SLC35B1: variants seen among roughly 807,000 people sequenced by gnomAD.
SLC35B1 encodes solute carrier family 35 member B1.
In SLC35B1, 27 loss-of-function variants were observed where a neutral mutation model predicts 36.6. The ratio of observed to expected loss-of-function variants is 0.74; its 90% CI spans 0.54 to 1.02. The LOEUF (loss-of-function observed/expected upper bound fraction) is 1.02. SLC35B1 is among the 50% of genes least tolerant of loss of function. The pLI is 0.00. For missense variants in SLC35B1, 321 were observed against 383.2 expected (o/e 0.84, Z 1.35); for synonymous variants, 162 against 152.5 (o/e 1.06, Z -0.46).
chr17:49,707,780 G>C lies in SLC35B1; in HGVS notation c.54C>G (p.Phe18Leu). 1 of 1,612,166 alleles carries C rather than the reference G, an allele frequency of 6.2e-7. No individual in the cohort carries two copies. The highest frequency in any genetic ancestry group is 2.2e-5 in the East Asian group (1 of 44,888). ...AAAAATAGCAGACAAAGACACCCAG[G>C]AAGCAGAGCGGCAGGCGCAGCCGGT... Reference protein sequence around the residue: ...VPDRLRLPLCFLGVFVCYFYY... With the variant: ...VPDRLRLPLCLLGVFVCYFYY... The change falls in exon 1 of 9, where the codon TTC becomes TTG. Residue 18 changes from phenylalanine (F) to leucine (L), a missense_variant. Phe to Leu is a conservative substitution (Grantham distance 22). Transcript: ENST00000240333.
intron 2 of SLC35B1, 27 bp from the exon 3 acceptor site, chr17:49,706,361 A>C: frequency 8.0e-7 from 1 of 1,253,690 alleles, no homozygotes; most frequent in Non-Finnish European, 1.0e-6. Context: ...AAAAAAAAAA[A>C]AAAAGAAAAG....
chr17:49,703,936 G>A (rs2073383350), intron 6 of SLC35B1, 164 bp downstream of exon 6: 1 of 756,550 alleles, frequency 1.3e-6, no homozygotes, highest in South Asian at 1.7e-5. Context: ...AAATCCTGCT[G>A]GTGCAGGTTT....
chr17:49,708,147 A>G (rs150482207), upstream of SLC35B1: 83 of 693,754 alleles, frequency 1.2e-4, no homozygotes, highest in African/African-American at 1.2e-3. Context: ...AGATTTTTCC[A>G]ATCAGGCAAC....
chr17:49,707,940 C>T lies in SLC35B1; in HGVS notation c.-107G>A, dbSNP rs140605051. On this transcript the variant is annotated 5_prime_UTR_variant, in exon 1 of 9. Transcript: ENST00000240333. ...GACATCGCCGACCGGCGGCAGGGGC[C>T]TCATAGGAGCTGCATGCGACCGCTG... is the stretch of plus-strand genomic sequence containing the variant. The T allele has an allele frequency of 2.0e-3, 3,055 of 1,556,430 alleles. 6 individuals carry two copies. Among genetic ancestry groups the T allele is most frequent in the Non-Finnish European group, 2.5e-3 (2,826 of 1,150,134 alleles).
intron 1 of SLC35B1, 40 bp downstream of exon 1, chr17:49,707,690 G>A (rs2073437058): frequency 3.1e-6 from 5 of 1,596,156 alleles, no homozygotes; most frequent in East Asian, 2.2e-5. Flanking sequence ...CCTGTCACAG[G>A]CTGGGGAGAG....
chr17:49,704,248 C>T (rs2073387744), intron 5 of SLC35B1, 22 bp from the exon 6 acceptor site: 1 of 1,611,224 alleles, frequency 6.2e-7, no homozygotes, highest in Non-Finnish European at 8.5e-7. Context: ...AGGGTGCAGC[C>T]TGCAGTGAAG....
In SLC35B1 at chr17:49,707,003, A is replaced by G. The variant is rs1436436849; in HGVS notation, c.170T>C (p.Phe57Ser). 3 of 1,613,976 alleles carry G rather than the reference A, an allele frequency of 1.9e-6. No homozygotes were observed. The highest frequency in any genetic ancestry group is 2.5e-6 in the Non-Finnish European group (3 of 1,179,986). ...CACAGCATTGATCACACATTGAATGAAGACCAAAGTTAAGGCAAAGGTGAA... is the reference window on the plus strand; with the variant it reads ...CACAGCATTGATCACACATTGAATGGAGACCAAAGTTAAGGCAAAGGTGAA... ...ETFTFALTLV[F>S]IQCVINAVFA... is the part of the protein sequence containing the mutation. The change falls in exon 2 of 9, where the codon TTC becomes TCC. Residue 57 changes from phenylalanine (F) to serine (S), a missense_variant. Coordinates refer to ENST00000240333, the MANE Select transcript of SLC35B1 (RefSeq NM_005827.4).
intron 1 of SLC35B1, chr17:49,707,394 A>G (rs2073432774): frequency 1.3e-5 from 18 of 1,432,900 alleles, no homozygotes; most frequent in Non-Finnish European, 1.7e-5. Flanking sequence ...CCGAGGACGA[A>G]TAGGTTGTTT....
rs1277303037 is a variant in SLC35B1 at position 49,701,479 on chromosome 17, T to G, written c.948A>C (p.Gly316=). 6.2e-7 allele frequency: 1 copy of G among 1,613,762 alleles called. No individual in the cohort carries two copies. Among genetic ancestry groups the G allele is most frequent in the East Asian group, 2.2e-5 (1 of 44,868 alleles). ...GLGLDAKFGK[G]AKKTSH ...CTTCCTAGTGGGATGTCTTCTTAGC[T>G]CCTTTCCCAAACTTGGCATCAAGAC... Residue 316 remains glycine, a synonymous_variant, in exon 9 of 9, where the codon GGA becomes GGC. Coordinates refer to ENST00000240333, the MANE Select transcript of SLC35B1 (RefSeq NM_005827.4).
chr17:49,707,342 C>T, intron 1 of SLC35B1: 1 of 1,433,406 alleles, frequency 7.0e-7, no homozygotes, highest in Non-Finnish European at 9.2e-7. Context: ...AAATCAGGTA[C>T]CCCAGGCAGG....
chr17:49,705,809 G>C, intron 4 of SLC35B1, 57 bp downstream of exon 4: 1 of 1,544,230 alleles, frequency 6.5e-7, no homozygotes, highest in South Asian at 1.1e-5. Flanking sequence ...GTAGCAGAGA[G>C]AGAGCTTACT....
chr17:49,707,642 G>A, intron 1 of SLC35B1, 88 bp downstream of exon 1: 1 of 1,497,672 alleles, frequency 6.7e-7, no homozygotes, highest in Non-Finnish European at 9.1e-7. Flanking sequence ...AGGAGGACAA[G>A]AGGAAAGCCC....
chr17:49,708,018 G>T (rs1282595715), upstream of SLC35B1: 2 of 1,316,968 alleles, frequency 1.5e-6, no homozygotes, highest in East Asian at 2.5e-5. Context: ...GGCTGCCAAG[G>T]GGGAAACTCC....
At position 49,705,176 on chromosome 17, in the gene SLC35B1, T is replaced by A; in HGVS notation, c.476A>T (p.Lys159Met). ...GTGTTCTTCTATCCCAACAACTTTC[T>A]TGGGTTTGTACATGAAAAGGGCCAC... is the stretch of plus-strand genomic sequence containing the variant. Reference protein sequence around the residue: ...AGVALFMYKPKKVVGIEEHTV... With the variant: ...AGVALFMYKPMKVVGIEEHTV... Residue 159 changes from lysine to methionine, a missense_variant, in exon 5 of 9, where the codon AAG (lysine) becomes ATG (methionine). Transcript: ENST00000240333. 6.2e-7 allele frequency: 1 copy of A among 1,614,194 alleles called. No individual in the cohort carries two copies. The highest frequency in any genetic ancestry group is 8.5e-7 in the Non-Finnish European group (1 of 1,180,036).
In SLC35B1 at chr17:49,701,462, T is replaced by A. The variant is rs2073350014; in HGVS notation, c.965A>T (p.His322Leu). Residue 322 changes from histidine to leucine, a missense_variant, in exon 9 of 9, where the codon CAC becomes CTC. Physicochemically the swap from His to Leu is moderately conservative, Grantham distance 99 (BLOSUM62 -3). Transcript: ENST00000240333. ...GTGGAGGTAGTCTCTCTCTTCCTAG[T>A]GGGATGTCTTCTTAGCTCCTTTCCC... ...KFGKGAKKTS[H>L] The A allele has an allele frequency of 1.2e-6, 2 of 1,612,340 alleles. No individual in the cohort carries two copies. Among genetic ancestry groups the A allele is most frequent in the Middle Eastern group, 1.6e-4 (1 of 6,078 alleles).
At chr17:49,705,428 G>T in intron 4 of SLC35B1, 147 bp from the exon 5 acceptor site, 1 of 772,142 alleles carries the variant, frequency 1.3e-6, no homozygotes, top group Non-Finnish European at 2.0e-6. Context: ...GAGGGTGCCA[G>T]GCTGGCACCT....
At position 49,705,297 on chromosome 17, in the gene SLC35B1, A is replaced by AG; in HGVS notation, c.371-17dup. 6.2e-7 allele frequency: 1 copy of AG among 1,613,286 alleles called. No homozygotes were observed. The highest frequency in any genetic ancestry group is 8.5e-7 in the Non-Finnish European group (1 of 1,179,520). ...AGGAGCATGACTACAGGGAAAAAACAGAGTGGAAAATTCAGGCATCCATAA... is the reference window on the plus strand; with the variant it reads ...AGGAGCATGACTACAGGGAAAAAACAGGAGTGGAAAATTCAGGCATCCATAA... On this transcript the variant is annotated splice_polypyrimidine_tract_variant and intron_variant, in intron 4 of 8. Coordinates refer to ENST00000240333, the MANE Select transcript of SLC35B1 (RefSeq NM_005827.4).
rs1567817743 is a variant in SLC35B1, at chr17:49,701,210, C to A, written c.*248G>T. On this transcript the variant is annotated 3_prime_UTR_variant, in exon 9 of 9. Coordinates refer to ENST00000240333, the MANE Select transcript of SLC35B1 (RefSeq NM_005827.4). ...AGGAGCAGCCTGGGTAATGAACATC[C>A]AGCTCTGCCTCTTCCCTCCCTCTTT... is the stretch of plus-strand genomic sequence containing the variant. 2.3e-6 allele frequency: 1 copy of A among 428,580 alleles called. No homozygotes were observed. The highest frequency in any genetic ancestry group is 3.9e-5 in the East Asian group (1 of 25,546). The allele number at this position is 428,580 out of a possible 1,614,324, so 26.5% of individuals were successfully genotyped here. A position where few individuals can be genotyped will look rare whatever the true frequency, so the allele number is the denominator to read the frequency against.
At position 49,705,296 on chromosome 17, in the gene SLC35B1, CAG is replaced by C. The variant is rs769176476; in HGVS notation, c.371-17_371-16del. On this transcript the variant is annotated splice_polypyrimidine_tract_variant and intron_variant, in intron 4 of 8. Transcript: ENST00000240333. Reference sequence around the variant, plus strand: ...AAGGAGCATGACTACAGGGAAAAAACAGAGTGGAAAATTCAGGCATCCATAAG... The same window carrying C: ...AAGGAGCATGACTACAGGGAAAAAACAGTGGAAAATTCAGGCATCCATAAG... 1.2e-5 allele frequency: 19 copies of C among 1,612,956 alleles called. No individual in the cohort carries two copies. The highest frequency in any genetic ancestry group is 1.5e-5 in the Non-Finnish European group (18 of 1,179,488).
Sources: gnomAD v4.1 joint callset for allele counts on GRCh38, gnomAD v4.1.1 for gene constraint, MANE v1.5 for transcripts, NCBI Gene and HGNC (gene_info 2026-07-23, HGNC 2026-07-21) for gene names.